Variants in PUDP observed in about 807,000 individuals in gnomAD.
PUDP encodes the protein pseudouridine-5'-phosphatase.
Under a neutral mutation model 9.4 loss-of-function variants are expected in PUDP, and 8 were observed. That is an observed-to-expected ratio of 0.85 (90% CI 0.50 to 1.53). PUDP has a LOEUF of 1.53. PUDP is among the 40% of genes most tolerant of loss of function. The pLI, the probability that PUDP is intolerant of heterozygous loss-of-function variation, is 0.00. For synonymous variants in PUDP, 99 were observed against 80.7 expected, an observed-to-expected ratio of 1.23 and a Z score of -1.22; for missense variants, 188 against 189.7, an observed-to-expected ratio of 0.99 and a Z score of 0.05.
Position 7,005,625 on chromosome X carries a change from G to A in PUDP, c.205-27282C>T, listed in dbSNP as rs928418513. Among the ~76,000 whole-genome samples the A allele has an allele frequency of 1.7e-4, 19 of 110,399 alleles. 1 individual carries two copies. The highest frequency in any genetic ancestry group is 6.3e-4 in the African/African-American group (19 of 30,158). On this transcript the variant is annotated intron_variant and NMD_transcript_variant, in intron 1 of 3. Transcript: ENST00000655425. ...AGATCTTCCTATGTTGCCCAGGCTG[G>A]TCTCGAACTCCTGAACTCAAATGAT...
intron 2 of PUDP, among the ~76,000 whole-genome samples, chrX:7,100,041 C>T (rs754258167): frequency 2.0e-5 from 2 of 100,710 alleles, no homozygotes; most frequent in South Asian, 5.2e-4. Flanking sequence ...TCCCCCTCCC[C>T]GGCCCCCTAC....
upstream of PUDP, among the ~76,000 whole-genome samples, chrX:6,725,413 A>C (rs1924727459): frequency 9.0e-6 from 1 of 111,166 alleles, no homozygotes; most frequent in African/African-American, 3.3e-5. Context: ...CCCAGTCTCT[A>C]ATATCTATTA....
intron 1 of PUDP, among the ~76,000 whole-genome samples, chrX:6,710,136 C>T (rs1924515323): frequency 9.0e-6 from 1 of 111,593 alleles, no homozygotes; most frequent in African/African-American, 3.3e-5. Context: ...ACAACAACAA[C>T]AAAACAAACA....
At chrX:7,097,671 A>G (rs1362576382) in intron 2 of PUDP, among the ~76,000 whole-genome samples, 4 of 110,865 alleles carry the variant, frequency 3.6e-5, no homozygotes, top group Non-Finnish European at 7.5e-5. Context: ...CCCCCCGAGC[A>G]CTCACTCAGC....
At chrX:6,933,982 T>G (rs1182459462) in intron 3 of PUDP, among the ~76,000 whole-genome samples, 1 of 102,985 alleles carries the variant, frequency 9.7e-6, no homozygotes, top group Non-Finnish European at 2.0e-5. Context: ...TGGGACTATG[T>G]GAAAAGACCA....
At chrX:7,081,074 T>TA (rs776884095) in intron 2 of PUDP, among the ~76,000 whole-genome samples, 1 of 112,175 alleles carries the variant, frequency 8.9e-6, no homozygotes, top group East Asian at 2.8e-4. Context: ...GGAGCACACT[T>TA]AAACACATGG....
intron 2 of PUDP, among the ~76,000 whole-genome samples, chrX:7,079,945 T>G (rs1931031531): frequency 9.0e-6 from 1 of 111,363 alleles, no homozygotes; most frequent in South Asian, 3.7e-4. Flanking sequence ...AAGAGCAAAT[T>G]AAACCCAAAA....
At chrX:6,887,099 A>G (rs1927435660) in intron 3 of PUDP, among the ~76,000 whole-genome samples, 2 of 99,174 alleles carry the variant, frequency 2.0e-5, no homozygotes, top group East Asian at 3.3e-4. Context: ...AATTATATAT[A>G]ATATATAATA....
At chrX:6,919,750 G>A (rs999612667) in intron 3 of PUDP, among the ~76,000 whole-genome samples, 3 of 105,027 alleles carry the variant, frequency 2.9e-5, no homozygotes, top group Non-Finnish European at 5.9e-5. Flanking sequence ...TTAGCCGGGC[G>A]TGGGAGGCTG....
At chrX:6,956,564 AG>A (rs763721428) in intron 3 of PUDP, among the ~76,000 whole-genome samples, 148 of 111,740 alleles carry the variant, frequency 1.3e-3, no homozygotes, top group Non-Finnish European at 2.5e-3. Flanking sequence ...TCTGGGCTGG[AG>A]GTGGTGACCC....
chrX:6,770,098 C>T (rs968358157), intron 3 of PUDP, among the ~76,000 whole-genome samples: 7 of 112,628 alleles, frequency 6.2e-5, no homozygotes, highest in Non-Finnish European at 1.1e-4. Flanking sequence ...AAAAGGAGCT[C>T]TCTCCCATTA....
intron 3 of PUDP, among the ~76,000 whole-genome samples, chrX:6,945,683 T>C (rs1459644838): frequency 1.8e-5 from 2 of 110,899 alleles, no homozygotes; most frequent in African/African-American, 6.6e-5. Context: ...TGGGGACTTC[T>C]ACACCTTGCA....
chrX:6,744,737 G>C (rs1248944689), intron 3 of PUDP, among the ~76,000 whole-genome samples: 1 of 111,386 alleles, frequency 9.0e-6, no homozygotes, highest in Non-Finnish European at 1.9e-5. Flanking sequence ...TGACCCACTA[G>C]TCAAGACTAC....
At chrX:7,037,106 T>C (rs1200087992) in intron 1 of PUDP, among the ~76,000 whole-genome samples, 2 of 111,571 alleles carry the variant, frequency 1.8e-5, no homozygotes, top group African/African-American at 6.5e-5. Flanking sequence ...GTTCCTCATC[T>C]TTTTGGACTA....
intron 1 of PUDP, among the ~76,000 whole-genome samples, chrX:7,018,831 T>C (rs1266419367): frequency 9.0e-6 from 1 of 111,460 alleles, no homozygotes; most frequent in Non-Finnish European, 1.9e-5. Flanking sequence ...TCCCAGAAAG[T>C]TAGGTGTTCC....
intron 3 of PUDP, among the ~76,000 whole-genome samples, chrX:6,785,300 A>C (rs1925628410): frequency 8.9e-6 from 1 of 112,340 alleles, no homozygotes; most frequent in Non-Finnish European, 1.9e-5. Flanking sequence ...ACATTGCATT[A>C]TCTGTGATTT....
intron 3 of PUDP, among the ~76,000 whole-genome samples, chrX:7,070,356 C>T (rs1311182203): frequency 9.0e-6 from 1 of 111,280 alleles, no homozygotes; most frequent in Non-Finnish European, 1.9e-5. Context: ...TGATGGGTGA[C>T]AGGAGGAGGT....
intron 3 of PUDP, among the ~76,000 whole-genome samples, chrX:6,862,465 A>G (rs1192721698): frequency 8.9e-6 from 1 of 112,774 alleles, no homozygotes; most frequent in Non-Finnish European, 1.9e-5. Context: ...GAAGAAACAA[A>G]TGCTTTTTTT....
downstream of PUDP, among the ~76,000 whole-genome samples, chrX:7,044,972 C>G (rs1929966182): frequency 8.9e-6 from 1 of 112,273 alleles, no homozygotes; most frequent in African/African-American, 3.2e-5. Context: ...GAATGGTACC[C>G]TTCAGGGTGT....
Sources: allele counts gnomAD v4.1 joint callset (sites outside exome capture counted in the v4.1 genomes callset), GRCh38; gene constraint gnomAD v4.1.1; transcripts MANE v1.5; gene names NCBI Gene and HGNC (gene_info 2026-07-23, HGNC 2026-07-21).